Variants in CRLF2 observed in about 807,000 individuals in gnomAD.
The protein encoded by CRLF2 is cytokine receptor-like factor 2.
Under a neutral mutation model 38.7 loss-of-function variants are expected in CRLF2, and 41 were observed. The ratio of observed to expected loss-of-function variants is 1.06; its 90% confidence interval spans 0.83 to 1.37. The LOEUF (loss-of-function observed/expected upper bound fraction) is 1.37. Among genes scored for constraint, CRLF2 ranks in the 40% most tolerant of loss-of-function variants. CRLF2 has a pLI of 0.00. For synonymous variants in CRLF2, 140 were observed against 128.8 expected (o/e 1.09, Z -0.59); for missense variants, 377 against 322.2 (o/e 1.17, Z -1.30).
chrX:1,199,873 T>C (rs767368211), intron 4 of CRLF2, among the ~76,000 whole-genome samples: 14 of 148,480 alleles, frequency 9.4e-5, no homozygotes, highest in Non-Finnish European at 1.8e-4. Context: ...TATATGTGTA[T>C]ATATAAGCTA....
chrX:1,206,384 G>A (rs375049251), intron 3 of CRLF2, 49 bp downstream of exon 3: 248 of 1,538,410 alleles, frequency 1.6e-4, no homozygotes, highest in Non-Finnish European at 1.8e-4. Flanking sequence ...GTGGTAATAA[G>A]CTGAAGGAAG....
chrX:1,212,447 G>GAAAAA, intron 1 of CRLF2, 109 bp downstream of exon 1: 2 of 511,158 alleles, frequency 3.9e-6, no homozygotes, highest in African/African-American at 2.2e-5. Flanking sequence ...AAGAAAAGAA[G>GAAAAA]AAAGAAACCT....
chrX:1,201,519 T>G (rs1411480743), intron 4 of CRLF2, among the ~76,000 whole-genome samples: 2 of 9,942 alleles, frequency 2.0e-4, no homozygotes, highest in African/African-American at 2.7e-4. Context: ...GATAGAGCGA[T>G]GAGAGAGAGA....
intron 1 of CRLF2, among the ~76,000 whole-genome samples, chrX:1,212,128 G>A (rs2086813841): frequency 6.6e-6 from 1 of 151,820 alleles, no homozygotes; most frequent in African/African-American, 2.4e-5. Context: ...ATTAGTGGAT[G>A]GATCAATGAA....
Position 1,191,146 on chromosome X carries a change from G to A in CRLF2, c.867C>T (p.Asp289=). 1 of 398,712 alleles carries A rather than the reference G, an allele frequency of 2.5e-6. No homozygotes were observed. The allele number at this position is 398,712 out of a possible 1,614,324, so 24.7% of individuals were successfully genotyped here. A position where few individuals can be genotyped will look rare whatever the true frequency, so the allele number is the denominator to read the frequency against. The part of the protein sequence containing the change: ...HQGNFQEWIT[D]TQNVAHLHKM... ...TGTGGAGGTGGGCCACGTTCTGGGT[G>A]TCTGTGATCCACTCCTACCAGGAAG... The change falls in exon 8 of 8, where the codon GAC becomes GAT. Residue 289 remains aspartate, a synonymous_variant. Coordinates refer to ENST00000400841, the MANE Select transcript of CRLF2 (RefSeq NM_022148.4).
At position 1,202,319 on chromosome X, in the gene CRLF2, G is replaced by A. The variant is rs1225440637; in HGVS notation, c.483+83C>T. ...GAAGGTGTAGACAGAGGGGAGCGAGGTCTGATGAAACAGCGAATCCCACAG... is the reference window on the plus strand; with the variant it reads ...GAAGGTGTAGACAGAGGGGAGCGAGATCTGATGAAACAGCGAATCCCACAG... On this transcript the variant is annotated intron_variant, in intron 4 of 7. Coordinates refer to ENST00000400841, the MANE Select transcript of CRLF2 (RefSeq NM_022148.4). 29 of 1,521,438 alleles carry A rather than the reference G, an allele frequency of 1.9e-5. No individual in the cohort carries two copies. The Admixed American group carries it at 4.6e-4, about 24-fold the overall frequency. The allele number at this position is 1,521,438 out of a possible 1,614,324, so 94.2% of individuals were successfully genotyped here.
At chrX:1,191,337 C>CT (rs1423858443) in intron 7 of CRLF2, among the ~76,000 whole-genome samples, 177 bp from the exon 8 acceptor site, 1 of 115,830 alleles carries the variant, frequency 8.6e-6, no homozygotes, top group Non-Finnish European at 1.8e-5. Context: ...TTCTTTCTTT[C>CT]TTTCTTTCCT....
intron 1 of CRLF2, 121 bp downstream of exon 1, chrX:1,212,435 A>G (rs867928440): frequency 0.014 from 8,625 of 596,038 alleles, 61 homozygotes; most frequent in South Asian, 0.034. Context: ...AAAAAAAAAA[A>G]AAAGAAAAGA....
intron 4 of CRLF2, among the ~76,000 whole-genome samples, chrX:1,199,984 C>G (rs1202016529): frequency 6.8e-6 from 1 of 147,066 alleles, no homozygotes; most frequent in African/African-American, 2.5e-5. Context: ...TGTGTATATA[C>G]GTGTGTATAT....
intron 6 of CRLF2, among the ~76,000 whole-genome samples, chrX:1,194,608 A>G (rs1395017393): frequency 5.7e-4 from 87 of 152,268 alleles, no homozygotes; most frequent in African/African-American, 1.9e-3. Flanking sequence ...GAAAGTTTCT[A>G]TGTTGAAGTT....
intron 3 of CRLF2, among the ~76,000 whole-genome samples, chrX:1,204,022 A>G (rs749872329): frequency 1.3e-5 from 2 of 151,630 alleles, no homozygotes; most frequent in Non-Finnish European, 2.9e-5. Flanking sequence ...CTCGCCCGAG[A>G]CTTAACAGCC....
intron 3 of CRLF2, among the ~76,000 whole-genome samples, chrX:1,203,736 T>C (rs1226366553): frequency 6.6e-6 from 1 of 152,132 alleles, no homozygotes; most frequent in African/African-American, 2.4e-5. Context: ...GAAATCTCCA[T>C]CTCAGACTCA....
At position 1,193,364 on chromosome X, in the gene CRLF2, A is replaced by G. The variant is rs1161585480; in HGVS notation, c.768-62T>C. The G allele has an allele frequency of 9.0e-5, 36 of 398,468 alleles. No individual in the cohort carries two copies. The South Asian group carries it at 4.1e-3, about 45-fold the overall frequency. The allele number at this position is 398,468 out of a possible 1,614,324, so 24.7% of individuals were successfully genotyped here. Reference sequence around the variant, plus strand: ...CAGCCCCGCAGGAAGGGTTGGCAAGAAGCACCTACAGGGCATGGACCCCAG... The same window carrying G: ...CAGCCCCGCAGGAAGGGTTGGCAAGGAGCACCTACAGGGCATGGACCCCAG... On this transcript the variant is annotated intron_variant, in intron 6 of 7. Coordinates refer to ENST00000400841, the MANE Select transcript of CRLF2 (RefSeq NM_022148.4).
rs2086362365 is a variant in CRLF2, at chrX:1,190,902, A to G, written c.1111T>C (p.Leu371=). Residue 371 remains leucine, a synonymous_variant, in exon 8 of 8, where the codon TTG becomes CTG. Transcript: ENST00000400841. ...FVMNDRSYVA[L] is the part of the protein sequence containing the mutation. ...CTTTGACAGTGGTGTGTCCATCACA[A>G]CGCCACGTAGGAGCGGTCATTCATC... 3 of 398,544 alleles carry G rather than the reference A, an allele frequency of 7.5e-6. No individual in the cohort carries two copies. The allele number at this position is 398,544 out of a possible 1,614,324, so 24.7% of individuals were successfully genotyped here.
chrX:1,197,429 T>C (rs1481232872), intron 5 of CRLF2, among the ~76,000 whole-genome samples: 1 of 151,940 alleles, frequency 6.6e-6, no homozygotes, highest in Non-Finnish European at 1.5e-5. Context: ...CATGTAGCCT[T>C]TGGAGGCTTC....
At chrX:1,198,476 C>G in intron 5 of CRLF2, 86 bp downstream of exon 5, 2 of 1,350,102 alleles carry the variant, frequency 1.5e-6, no homozygotes, top group South Asian at 2.4e-5. Flanking sequence ...AGGACACCCT[C>G]CCTCCCACCT....
At chrX:1,201,637 A>G (rs2086610496) in intron 4 of CRLF2, among the ~76,000 whole-genome samples, 1 of 145,138 alleles carries the variant, frequency 6.9e-6, no homozygotes, top group South Asian at 2.2e-4. Context: ...AGAGAGATAA[A>G]TAGATGATAC....
intron 7 of CRLF2, among the ~76,000 whole-genome samples, 172 bp from the exon 8 acceptor site, chrX:1,191,332 T>TCTTTCTTTCTTTCTTTC (rs2086373409): frequency 8.5e-6 from 1 of 118,066 alleles, no homozygotes; most frequent in Non-Finnish European, 1.8e-5. Context: ...TTTCTTTCTT[T>TCTTTCTTTCTTTCTTTC]CTTTCTTTCT....
intron 7 of CRLF2, among the ~76,000 whole-genome samples, chrX:1,191,532 T>TA (rs1252076264): frequency 1.4e-5 from 2 of 144,912 alleles, no homozygotes; most frequent in African/African-American, 5.4e-5. Flanking sequence ...AAACCAAAAA[T>TA]AAATTTTTTT....
Sources: allele counts gnomAD v4.1 joint callset (sites outside exome capture counted in the v4.1 genomes callset), GRCh38; gene constraint gnomAD v4.1.1; transcripts MANE v1.5; gene names NCBI Gene and HGNC (gene_info 2026-07-23, HGNC 2026-07-21).